Variants in EHF observed in about 807,000 individuals in gnomAD.
The protein encoded by EHF is ESE3 transcription factor.
EHF carries 14 observed loss-of-function variants against 45.1 expected under a neutral mutation model. The observed-to-expected ratio is 0.31, with a 90% CI of 0.21 to 0.49. The LOEUF (loss-of-function observed/expected upper bound fraction) is 0.49, where lower values mean the gene tolerates loss of function less well. Ranked by LOEUF, EHF falls within the 20% of genes least tolerant of loss-of-function variation. The probability of loss-of-function intolerance (pLI) is 0.99; values close to 1 mark genes in which losing one functional copy is unlikely to be tolerated. For missense variants in EHF, 282 were observed against 371.4 expected, an observed-to-expected ratio of 0.76 and a Z score of 1.98; for synonymous variants, 136 against 131.8, an observed-to-expected ratio of 1.03 and a Z score of -0.22.
intron 7 of EHF, among the ~76,000 whole-genome samples, chr11:34,657,906 G>T (rs1291806535): frequency 1.3e-5 from 2 of 151,976 alleles, no homozygotes; most frequent in Non-Finnish European, 2.9e-5. Flanking sequence ...TGGGTGGGGT[G>T]GGGGTGGGGC....
At chr11:34,652,330 G>A (rs1590532044) in intron 6 of EHF, among the ~76,000 whole-genome samples, 1 of 152,188 alleles carries the variant, frequency 6.6e-6, no homozygotes, top group Admixed American at 6.5e-5. Context: ...TGACTCATCA[G>A]TGCTCTCTAA....
At chr11:34,653,446 C>T (rs1011133587) in intron 6 of EHF, among the ~76,000 whole-genome samples, 1 of 152,098 alleles carries the variant, frequency 6.6e-6, no homozygotes, top group African/African-American at 2.4e-5. Flanking sequence ...GCAAGGAACT[C>T]GCTCTCTCCT....
chr11:34,625,573 C>A (rs985871279), intron 1 of EHF, among the ~76,000 whole-genome samples: 3 of 152,176 alleles, frequency 2.0e-5, no homozygotes, highest in Non-Finnish European at 4.4e-5. Flanking sequence ...ACCTGGAGAC[C>A]CTGATGTGCC....
At chr11:34,646,773 G>T (rs1854592301) in intron 3 of EHF, 89 bp downstream of exon 3, 1 of 1,527,534 alleles carries the variant, frequency 6.5e-7, no homozygotes, top group Admixed American at 1.7e-5. Context: ...TCTTTGTCAG[G>T]GACAAGAAAG....
rs553413907 is a variant in EHF at position 34,652,219 on chromosome 11, G to A, written c.544+414G>A. On this transcript the variant is annotated intron_variant, in intron 6 of 8. Coordinates refer to ENST00000257831, the MANE Select transcript of EHF (RefSeq NM_012153.6). ...ACCTCATAGTAAAATTCAAAGGTCC[G>A]TGAACCTGTAGTGATAGTTTCTGGG... Among the ~76,000 whole-genome samples the A allele has an allele frequency of 4.6e-5, 7 of 152,296 alleles. No individual in the cohort carries two copies. In the East Asian group the frequency reaches 1.2e-3, roughly 25 times the overall value.
chr11:34,624,478 A>AT (rs1366538172), intron 1 of EHF, among the ~76,000 whole-genome samples: 5 of 152,220 alleles, frequency 3.3e-5, no homozygotes, highest in African/African-American at 1.2e-4. Flanking sequence ...TAAGAATATG[A>AT]TTTTAAAATA....
In EHF at chr11:34,651,550, A is replaced by G. The variant is rs780172349; in HGVS notation, c.415A>G (p.Ile139Val). ...IVKTEQTEPSIMNTWKDENYL... is the reference protein window; with the variant it reads ...IVKTEQTEPSVMNTWKDENYL... ...TTCTCTATTTTTTGTAGAGCCTTCC[A>G]TCATGAACACCTGGAAAGACGAGAA... is the stretch of plus-strand genomic sequence containing the variant. The change falls in exon 5 of 9, where the codon ATC becomes GTC. Residue 139 changes from isoleucine (I) to valine (V), a missense_variant. Transcript: ENST00000257831. 7 of 1,613,650 alleles carry G rather than the reference A, an allele frequency of 4.3e-6. No individual in the cohort carries two copies. The East Asian group carries it at 1.1e-4, about 26-fold the overall frequency.
chr11:34,624,185 A>C, intron 1 of EHF: 108 of 539,062 alleles, frequency 2.0e-4, no homozygotes, highest in Non-Finnish European at 2.3e-4. Context: ...TTGACGTGAC[A>C]CTCATTTCTG....
At chr11:34,633,953 A>G (rs990535551) in intron 1 of EHF, among the ~76,000 whole-genome samples, 1 of 152,178 alleles carries the variant, frequency 6.6e-6, no homozygotes, top group South Asian at 2.1e-4. Context: ...TTGGCCTCCC[A>G]GTGCTGCATT....
intron 1 of EHF, among the ~76,000 whole-genome samples, chr11:34,634,981 C>G (rs1480570749): frequency 6.6e-6 from 1 of 152,040 alleles, no homozygotes; most frequent in East Asian, 1.9e-4. Context: ...ACTGTGTGAC[C>G]TTGAACAAGT....
At chr11:34,630,677 G>T (rs58699262) in intron 1 of EHF, among the ~76,000 whole-genome samples, 4,832 of 28,078 alleles carry the variant, frequency 0.17, 253 homozygotes, top group African/African-American at 0.28. Flanking sequence ...TGCACAGTTG[G>T]TCTTATTTAT....
chr11:34,644,833 A>G (rs1854354489), intron 2 of EHF, among the ~76,000 whole-genome samples: 1 of 152,276 alleles, frequency 6.6e-6, no homozygotes, highest in Admixed American at 6.5e-5. Flanking sequence ...GCAGAAACTC[A>G]GGCCTTGCCC....
chr11:34,640,378 G>A (rs1853866659), intron 1 of EHF, among the ~76,000 whole-genome samples: 1 of 152,210 alleles, frequency 6.6e-6, no homozygotes, highest in Non-Finnish European at 1.5e-5. Context: ...GCCTTTCCCT[G>A]CCTGTCCTCC....
intron 3 of EHF, 57 bp downstream of exon 3, chr11:34,646,741 G>C (rs997213213): frequency 6.3e-7 from 1 of 1,592,560 alleles, no homozygotes; most frequent in African/African-American, 1.3e-5. Flanking sequence ...TGGAAGAATA[G>C]AGATTCTGCA....
chr11:34,650,454 G>T (rs1332548917), intron 4 of EHF, among the ~76,000 whole-genome samples: 2 of 152,154 alleles, frequency 1.3e-5, no homozygotes, highest in African/African-American at 4.8e-5. Flanking sequence ...CTAAAATACC[G>T]GCTAAATCCC....
rs966318448 is a variant in EHF at position 34,624,456 on chromosome 11, A to G, written c.-4+3228A>G. 10 of 260,438 alleles carry G rather than the reference A, an allele frequency of 3.8e-5. No individual in the cohort carries two copies. In the South Asian group the frequency reaches 5.7e-4, roughly 15 times the overall value. 16.1% of individuals were successfully genotyped at this position (260,438 alleles called of 1,614,324 possible). On this transcript the variant is annotated intron_variant, in intron 1 of 8. Transcript: ENST00000257831. ...TAATTAACTTTATTTGACATTTTTCATATCTAATTTTTAAGAATATGATTT... is the reference window on the plus strand; with the variant it reads ...TAATTAACTTTATTTGACATTTTTCGTATCTAATTTTTAAGAATATGATTT...
At chr11:34,642,811 A>G in intron 2 of EHF, 84 bp downstream of exon 2, 1 of 1,018,122 alleles carries the variant, frequency 9.8e-7, no homozygotes, top group Non-Finnish European at 1.5e-6. Flanking sequence ...AATGTTTGAA[A>G]AATATAGGCT....
intron 1 of EHF, among the ~76,000 whole-genome samples, chr11:34,628,217 AAC>A (rs933812768): frequency 5.3e-5 from 8 of 152,218 alleles, no homozygotes; most frequent in Non-Finnish European, 7.3e-5. Flanking sequence ...TAGCCTGAGC[AAC>A]AGAGTGAGAC....
chr11:34,657,959 C>T (rs1393473972), intron 7 of EHF, among the ~76,000 whole-genome samples: 1 of 152,066 alleles, frequency 6.6e-6, no homozygotes, highest in Non-Finnish European at 1.5e-5. Flanking sequence ...GGTTGATAAT[C>T]TTATTGCAGT....
Sources: gnomAD v4.1 joint callset for allele counts (sites outside exome capture counted in the v4.1 genomes callset) on GRCh38, gnomAD v4.1.1 for gene constraint, MANE v1.5 for transcripts, NCBI Gene and HGNC (gene_info 2026-07-23, HGNC 2026-07-21) for gene names.